Variants in MELK observed in about 807,000 individuals in gnomAD.
MELK encodes maternal embryonic leucine zipper kinase.
MELK carries 81 observed loss-of-function variants against 85.0 expected under a neutral mutation model. The ratio of observed to expected loss-of-function variants is 0.95; its 90% CI spans 0.80 to 1.15. MELK has a LOEUF of 1.15. MELK is among the 50% of genes most tolerant of loss of function. MELK has a pLI of 0.00. For missense variants in MELK, 754 were observed against 777.5 expected (o/e 0.97, Z 0.36); for synonymous variants, 252 against 265.0 (o/e 0.95, Z 0.48).
intron 9 of MELK, among the ~76,000 whole-genome samples, chr9:36,630,668 G>A (rs1828477241): frequency 1.3e-5 from 2 of 152,180 alleles, no homozygotes; most frequent in African/African-American, 4.8e-5. Flanking sequence ...GATTGATGGA[G>A]ATAGAGTCTC....
intron 10 of MELK, among the ~76,000 whole-genome samples, chr9:36,642,462 T>A (rs1829849212): frequency 7.3e-6 from 1 of 136,302 alleles, no homozygotes; most frequent in Non-Finnish European, 1.5e-5. Context: ...AGAGTCTCGC[T>A]CTGTTGCCCA....
intron 13 of MELK, among the ~76,000 whole-genome samples, chr9:36,660,602 G>A (rs997765675): frequency 6.6e-6 from 1 of 151,992 alleles, no homozygotes; most frequent in African/African-American, 2.4e-5. Context: ...GATTACAGGC[G>A]TGAGCCACTG....
intron 8 of MELK, among the ~76,000 whole-genome samples, chr9:36,619,613 A>T (rs566298606): frequency 3.6e-4 from 51 of 141,744 alleles, no homozygotes; most frequent in Middle Eastern, 3.6e-3. Flanking sequence ...ATGTAGATTT[A>T]AAAAAAAATG....
intron 3 of MELK, among the ~76,000 whole-genome samples, chr9:36,588,126 G>A (rs756520119): frequency 3.6e-4 from 55 of 151,018 alleles, no homozygotes; most frequent in Non-Finnish European, 6.5e-4. Context: ...GATCGATCTC[G>A]GCTCACCGCA....
At chr9:36,644,326 G>A (rs1282376905) in intron 11 of MELK, among the ~76,000 whole-genome samples, 1 of 151,830 alleles carries the variant, frequency 6.6e-6, no homozygotes, top group Non-Finnish European at 1.5e-5. Flanking sequence ...TCCTGGCCCA[G>A]TACTATGTCT....
At chr9:36,613,232 CCTT>C (rs1251283607) in intron 8 of MELK, among the ~76,000 whole-genome samples, 3 of 152,236 alleles carry the variant, frequency 2.0e-5, no homozygotes, top group African/African-American at 7.2e-5. Flanking sequence ...TTGTTCCCTC[CCTT>C]CTTTCAGGTC....
At chr9:36,573,697 G>A (rs1821335010) in intron 1 of MELK, among the ~76,000 whole-genome samples, 1 of 152,138 alleles carries the variant, frequency 6.6e-6, no homozygotes, top group Admixed American at 6.5e-5. Flanking sequence ...AGTAGAGACG[G>A]GGTTTCACCA....
intron 12 of MELK, among the ~76,000 whole-genome samples, chr9:36,652,236 G>A (rs1298008443): frequency 2.7e-5 from 4 of 150,316 alleles, no homozygotes; most frequent in Admixed American, 6.6e-5. Context: ...TAGTAGAGAC[G>A]GGGTTTTGCC....
At chr9:36,603,762 G>GT (rs1027682133) in intron 7 of MELK, among the ~76,000 whole-genome samples, 25 of 151,988 alleles carry the variant, frequency 1.6e-4, no homozygotes, top group Non-Finnish European at 2.5e-4. Flanking sequence ...ATTTGCTTTG[G>GT]TTTTTTTATG....
chr9:36,677,183 AG>A lies in MELK; in HGVS notation c.1803del (p.Gln601HisfsTer7), dbSNP rs753684841. The part of the protein sequence containing the change: ...QKGYTLKCQT[Q>X]SDFGKVTMQF... ...AGTTATACACTGAAGTGTCAAACAC[AG>A]TCAGATTTTGGGAAAGTGACAATGC... On this transcript the variant is annotated frameshift_variant, in exon 18 of 18. Transcript: ENST00000298048. LOFTEE classifies it high-confidence loss of function. 9.3e-6 allele frequency: 15 copies of A among 1,613,912 alleles called. No homozygotes were observed. The East Asian group carries it at 3.3e-4, about 36-fold the overall frequency.
intron 13 of MELK, among the ~76,000 whole-genome samples, chr9:36,658,910 C>T (rs1170679117): frequency 7.1e-6 from 1 of 141,754 alleles, no homozygotes; most frequent in Non-Finnish European, 1.5e-5. Flanking sequence ...GAGACAGAGT[C>T]TCGCTCTGTC....
intron 7 of MELK, among the ~76,000 whole-genome samples, chr9:36,602,343 T>C (rs902931976): frequency 4.0e-5 from 6 of 151,494 alleles, no homozygotes; most frequent in African/African-American, 1.5e-4. Context: ...ATATAAAAAT[T>C]AGCTAGGCAT....
At chr9:36,596,590 G>T (rs1465984257) in intron 5 of MELK, among the ~76,000 whole-genome samples, 2,204 of 90,674 alleles carry the variant, frequency 0.024, 237 homozygotes, top group African/African-American at 0.11. Flanking sequence ...TGTTTTTTTT[G>T]TTTTTTTTTT....
Position 36,607,682 on chromosome 9 carries a change from TACAAG to T in MELK, c.666+10_666+14del. ...TATACAAGAAGATTATGGTGAGTAT[TACAAG>T]GCATAGAATTTCAATGTAGAACTTT... On this transcript the variant is annotated intron_variant, in intron 8 of 17. Coordinates refer to ENST00000298048, the MANE Select transcript of MELK (RefSeq NM_014791.4). 6.5e-7 allele frequency: 1 copy of T among 1,547,478 alleles called. No homozygotes were observed. Among genetic ancestry groups the T allele is most frequent in the East Asian group, 2.2e-5 (1 of 44,522 alleles).
At chr9:36,640,853 G>A (rs1022122099) in intron 10 of MELK, among the ~76,000 whole-genome samples, 2 of 152,232 alleles carry the variant, frequency 1.3e-5, no homozygotes, top group African/African-American at 4.8e-5. Context: ...TATTACACTA[G>A]TGATTAGGTT....
At chr9:36,654,571 G>T (rs890032820) in intron 12 of MELK, among the ~76,000 whole-genome samples, 2 of 151,730 alleles carry the variant, frequency 1.3e-5, no homozygotes, top group Non-Finnish European at 2.9e-5. Context: ...GGTCAGGCTG[G>T]TCTCGAACTC....
At chr9:36,623,215 T>C (rs966453547) in intron 8 of MELK, among the ~76,000 whole-genome samples, 4 of 152,172 alleles carry the variant, frequency 2.6e-5, no homozygotes, top group African/African-American at 4.8e-5. Context: ...GTAGGACAAA[T>C]CATCCCCAGT....
At chr9:36,640,441 T>A (rs1213848697) in intron 10 of MELK, among the ~76,000 whole-genome samples, 1 of 148,950 alleles carries the variant, frequency 6.7e-6, no homozygotes, top group Non-Finnish European at 1.5e-5. Flanking sequence ...TTCTTTTCTT[T>A]TCTGTTTCTT....
chr9:36,641,872 G>T (rs1362329687), intron 10 of MELK, among the ~76,000 whole-genome samples: 1 of 152,142 alleles, frequency 6.6e-6, no homozygotes, highest in Non-Finnish European at 1.5e-5. Flanking sequence ...CTCCCAAAGT[G>T]CTGGGATTAC....
Sources: gnomAD v4.1 joint callset for allele counts (sites outside exome capture counted in the v4.1 genomes callset) on GRCh38, gnomAD v4.1.1 for gene constraint, MANE v1.5 for transcripts, NCBI Gene and HGNC (gene_info 2026-07-23, HGNC 2026-07-21) for gene names.